The following ANKMY1 variants were observed in gnomAD, a reference collection of about 807,000 sequenced individuals.
ANKMY1 encodes the protein ankyrin repeat and MYND domain-containing protein 1.
A neutral mutation model predicts 102.0 loss-of-function variants in ANKMY1; 98 were observed. That is an observed-to-expected ratio of 0.96 (90% CI 0.82 to 1.14). The LOEUF (loss-of-function observed/expected upper bound fraction) is 1.14, where lower values mean the gene tolerates loss of function less well. Ranked by LOEUF, ANKMY1 falls within the 50% of genes most tolerant of loss-of-function variation. The pLI is 0.00. For missense variants in ANKMY1, 1,330 were observed against 1,347.6 expected, an observed-to-expected ratio of 0.99 and a Z score of 0.20; for synonymous variants, 582 against 559.9, an observed-to-expected ratio of 1.04 and a Z score of -0.56.
intron 4 of ANKMY1, among the ~76,000 whole-genome samples, chr2:240,537,171 G>A (rs34300349): frequency 0.027 from 4,092 of 152,318 alleles, 85 homozygotes; most frequent in Non-Finnish European, 0.036. Flanking sequence ...AGAGACTTCA[G>A]TCAGGCCCCC....
intron 4 of ANKMY1, among the ~76,000 whole-genome samples, chr2:240,544,770 C>T (rs940049562): frequency 6.6e-6 from 1 of 152,230 alleles, no homozygotes; most frequent in Non-Finnish European, 1.5e-5. Flanking sequence ...AAAATCGGGT[C>T]ACTCCCACCC....
chr2:240,518,951 G>A (rs945918765), intron 9 of ANKMY1, among the ~76,000 whole-genome samples: 11 of 152,326 alleles, frequency 7.2e-5, no homozygotes, highest in South Asian at 2.1e-4. Flanking sequence ...ACTCAATGCC[G>A]CCTGAGTGAC....
At position 240,557,950 on chromosome 2, in the gene ANKMY1, C is replaced by T. The variant is rs2092585653; in HGVS notation, c.-87G>A. On this transcript the variant is annotated 5_prime_UTR_variant, in exon 1 of 18. Coordinates refer to ENST00000401804, the MANE Select transcript of ANKMY1 (RefSeq NM_001282771.3). ...CGGGACTGCAGCCACCGCGGACGCC[C>T]GCGCTCCCGTCCCGACTGCTTGCCA... 1 of 985,534 alleles carries T rather than the reference C, an allele frequency of 1.0e-6. No homozygotes were observed. The highest frequency in any genetic ancestry group is 1.2e-6 in the Non-Finnish European group (1 of 830,092). 61.0% of individuals were successfully genotyped at this position (985,534 alleles called of 1,614,324 possible).
chr2:240,512,215 T>C (rs1375906925), intron 10 of ANKMY1, among the ~76,000 whole-genome samples: 1 of 152,252 alleles, frequency 6.6e-6, no homozygotes, highest in African/African-American at 2.4e-5. Context: ...AGCCATTCTG[T>C]GCCCTCCCCT....
At chr2:240,560,676 G>A (rs1575425227), upstream of ANKMY1, 1 of 1,511,564 alleles carries the variant, frequency 6.6e-7, no homozygotes, top group Non-Finnish European at 8.8e-7. Context: ...AGACTCTTCG[G>A]CGGGCGCCAT....
At chr2:240,503,520 G>A (rs1256107003) in intron 13 of ANKMY1, among the ~76,000 whole-genome samples, 1 of 152,184 alleles carries the variant, frequency 6.6e-6, no homozygotes, top group East Asian at 1.9e-4. Flanking sequence ...GGGGGCCCAG[G>A]GTCAAGGTTC....
chr2:240,516,146 T>TG (rs147886809), intron 9 of ANKMY1, among the ~76,000 whole-genome samples: 19,243 of 113,150 alleles, frequency 0.17, 1,255 homozygotes, highest in Middle Eastern at 0.27. Context: ...AAGGTTTTTG[T>TG]GGGGTTTTTT....
chr2:240,552,794 T>TA (rs768353003), intron 4 of ANKMY1, 120 bp downstream of exon 4: 8 of 1,491,204 alleles, frequency 5.4e-6, no homozygotes, highest in Non-Finnish European at 7.4e-6. Flanking sequence ...TCATTAAAAG[T>TA]AAAAAAGCTA....
At chr2:240,513,966 C>G (rs1445449880) in intron 9 of ANKMY1, among the ~76,000 whole-genome samples, 3 of 152,254 alleles carry the variant, frequency 2.0e-5, no homozygotes, top group African/African-American at 7.2e-5. Flanking sequence ...CAGACCCAAG[C>G]AGGCAAGTGG....
chr2:240,507,704 A>G lies in ANKMY1; in HGVS notation c.2395-13T>C. 1.3e-6 allele frequency: 2 copies of G among 1,591,740 alleles called. No homozygotes were observed. The highest frequency in any genetic ancestry group is 1.7e-4 in the Middle Eastern group (1 of 5,980). On this transcript the variant is annotated splice_polypyrimidine_tract_variant and intron_variant, in intron 12 of 17. Transcript: ENST00000401804. ...GCTCCTTCACAACCTGAACATACAC[A>G]GACAGTCTCATCAGTGGCCACCATG...
At position 240,492,757 on chromosome 2, in the gene ANKMY1, C is replaced by A. The variant is rs192801751; in HGVS notation, c.2806+7201G>T. ...CCAGACTGGAGTGCAGTGGCACGAT[C>A]TCGGCTCACTGCAACCTCCGCCTCC... On this transcript the variant is annotated intron_variant, in intron 15 of 17. Transcript: ENST00000401804. Among the ~76,000 whole-genome samples the A allele has an allele frequency of 6.3e-3, 953 of 152,264 alleles. 2 individuals are homozygous for A. Among genetic ancestry groups the A allele is most frequent in the Non-Finnish European group, 9.6e-3 (651 of 68,022 alleles).
At chr2:240,560,824 T>G (rs1045835139), upstream of ANKMY1, 6 of 1,429,322 alleles carry the variant, frequency 4.2e-6, no homozygotes, top group African/African-American at 1.5e-5. Context: ...GGAGTCACGC[T>G]GTGCGTCAAC....
At chr2:240,540,454 G>A (rs1054266285) in intron 4 of ANKMY1, among the ~76,000 whole-genome samples, 3 of 152,126 alleles carry the variant, frequency 2.0e-5, no homozygotes, top group Non-Finnish European at 4.4e-5. Context: ...CTTTCCTCAG[G>A]AAAGGAAGCC....
At chr2:240,552,819 A>G (rs747669056) in intron 4 of ANKMY1, 95 bp downstream of exon 4, 7 of 1,585,648 alleles carry the variant, frequency 4.4e-6, no homozygotes, top group Middle Eastern at 1.7e-4. Context: ...TAGCTAAACA[A>G]ATAAACTTCC....
At chr2:240,511,754 G>C in intron 11 of ANKMY1, 107 bp downstream of exon 11, 1 of 1,389,760 alleles carries the variant, frequency 7.2e-7, no homozygotes, top group South Asian at 1.5e-5. Context: ...CCTGGCTTCT[G>C]CCTAAGACTC....
Position 240,548,765 on chromosome 2 carries a change from T to C in ANKMY1, c.480+4149A>G, listed in dbSNP as rs1198612794. Reference sequence around the variant, plus strand: ...ATCATGAGTGAACTCCCATTCACAATTGCTTCAAAGAGAATAAAATACCTA... The same window carrying C: ...ATCATGAGTGAACTCCCATTCACAACTGCTTCAAAGAGAATAAAATACCTA... On this transcript the variant is annotated intron_variant, in intron 4 of 17. Coordinates refer to ENST00000401804, the MANE Select transcript of ANKMY1 (RefSeq NM_001282771.3). Among the ~76,000 whole-genome samples the C allele has an allele frequency of 1.5e-4, 23 of 149,166 alleles. No homozygotes were observed. In the South Asian group the frequency reaches 1.7e-3, roughly 11 times the overall value.
intron 11 of ANKMY1, among the ~76,000 whole-genome samples, chr2:240,510,199 C>A (rs1215080114): frequency 7.5e-6 from 1 of 133,842 alleles, no homozygotes; most frequent in African/African-American, 2.8e-5. Context: ...TCCCTGCCCT[C>A]CTCCCTAGTC....
rs532964335 is a variant in ANKMY1, at chr2:240,525,682, T to A, written c.1335+3A>T. 2.2e-5 allele frequency: 36 copies of A among 1,613,698 alleles called. No homozygotes were observed. The East Asian group carries it at 7.6e-4, about 34-fold the overall frequency. On this transcript the variant is annotated splice_donor_region_variant and intron_variant, in intron 7 of 17. Coordinates refer to ENST00000401804, the MANE Select transcript of ANKMY1 (RefSeq NM_001282771.3). ...GTGGTGCAGTGGCCACCGGGGGGCT[T>A]ACCTGGGGCTCAGGTATGGTCCGTT...
intron 9 of ANKMY1, 150 bp from the exon 10 acceptor site, chr2:240,513,092 G>A: frequency 8.7e-7 from 1 of 1,151,318 alleles, no homozygotes; most frequent in Non-Finnish European, 1.2e-6. Context: ...GCAGGCTACT[G>A]GTCCCTGAAG....
Sources: allele counts gnomAD v4.1 joint callset (sites outside exome capture counted in the v4.1 genomes callset), GRCh38; gene constraint gnomAD v4.1.1; transcripts MANE v1.5; gene names NCBI Gene and HGNC (gene_info 2026-07-23, HGNC 2026-07-21).